LIMCH1: variants seen among roughly 807,000 people sequenced by gnomAD.
LIMCH1 encodes LIM and calponin homology domains-containing protein 1.
LIMCH1 carries 113 observed loss-of-function variants against 176.5 expected under a neutral mutation model. That is an observed-to-expected ratio of 0.64 (90% confidence interval 0.55 to 0.75). The LOEUF is 0.75. Among genes scored for constraint, LIMCH1 ranks in the 30% least tolerant of loss-of-function variants. The pLI is 0.00. For missense variants in LIMCH1, 1,674 were observed against 1,814.9 expected, an observed-to-expected ratio of 0.92 and a Z score of 1.41; for synonymous variants, 619 against 645.9, an observed-to-expected ratio of 0.96 and a Z score of 0.63.
intron 1 of LIMCH1, among the ~76,000 whole-genome samples, chr4:41,388,358 T>C (rs2056768198): frequency 6.6e-6 from 1 of 152,206 alleles, no homozygotes; most frequent in Non-Finnish European, 1.5e-5. Context: ...AAAAACATTA[T>C]GCTAAGTGAA....
chr4:41,375,135 G>A (rs2054542811), intron 1 of LIMCH1, among the ~76,000 whole-genome samples: 2 of 152,108 alleles, frequency 1.3e-5, no homozygotes, highest in Non-Finnish European at 2.9e-5. Flanking sequence ...TAAAAATGTG[G>A]TAATATACAA....
At chr4:41,439,715 C>CA (rs2062495399) in intron 1 of LIMCH1, among the ~76,000 whole-genome samples, 1 of 152,088 alleles carries the variant, frequency 6.6e-6, no homozygotes, top group Non-Finnish European at 1.5e-5. Context: ...ACAGCCTGGC[C>CA]AACATGGTGA....
At chr4:41,491,253 C>T (rs28722537) in intron 1 of LIMCH1, among the ~76,000 whole-genome samples, 27,833 of 134,328 alleles carry the variant, frequency 0.21, 3,257 homozygotes, top group African/African-American at 0.35. Context: ...CGGGCAGAGG[C>T]GCTCCTCACC....
chr4:41,475,267 A>C (rs1451719638), intron 1 of LIMCH1, among the ~76,000 whole-genome samples: 1 of 152,226 alleles, frequency 6.6e-6, no homozygotes, highest in Non-Finnish European at 1.5e-5. Flanking sequence ...ATATAGTTAC[A>C]TGCTTTGTTT....
At chr4:41,580,967 GA>G (rs1434386748) in intron 1 of LIMCH1, among the ~76,000 whole-genome samples, 1 of 152,166 alleles carries the variant, frequency 6.6e-6, no homozygotes, top group Non-Finnish European at 1.5e-5. Flanking sequence ...CCCAGAAGTA[GA>G]AACCTTGACT....
intron 1 of LIMCH1, among the ~76,000 whole-genome samples, chr4:41,559,003 G>A (rs890798331): frequency 1.1e-4 from 16 of 151,964 alleles, no homozygotes; most frequent in African/African-American, 3.1e-4. Context: ...TTTTTGTTTG[G>A]TTTTGTATTA....
intron 1 of LIMCH1, among the ~76,000 whole-genome samples, chr4:41,559,967 T>C (rs2081848867): frequency 6.6e-6 from 1 of 152,154 alleles, no homozygotes; most frequent in African/African-American, 2.4e-5. Flanking sequence ...TCTCTATTGA[T>C]AGTCCCGATC....
In LIMCH1 at chr4:41,646,810, G is replaced by A. The variant is rs1013386020; in HGVS notation, c.2737G>A (p.Val913Ile). ...SAGSGSPSKT[V>I]TPKAVPMLTP... ...AGGCAGTGGGTCTCCAAGCAAAACT[G>A]TCACTCCCAAAGCAGTGCCTATGCT... Residue 913 changes from valine (V) to isoleucine (I), a missense_variant, in exon 17 of 32, where the codon GTC (valine) becomes ATC (isoleucine). Coordinates refer to ENST00000503057, the MANE Select transcript of LIMCH1 (RefSeq NM_001330672.2). The A allele has an allele frequency of 3.5e-5, 56 of 1,614,138 alleles. No homozygotes were observed. Among genetic ancestry groups the A allele is most frequent in the Non-Finnish European group, 4.5e-5 (53 of 1,180,022 alleles).
intron 1 of LIMCH1, among the ~76,000 whole-genome samples, chr4:41,552,833 C>T (rs936128744): frequency 2.6e-5 from 4 of 152,006 alleles, no homozygotes; most frequent in Non-Finnish European, 5.9e-5. Context: ...AGAAGTAAGA[C>T]AGACTTTAAG....
intron 2 of LIMCH1, among the ~76,000 whole-genome samples, chr4:41,517,654 CCCT>C (rs1314393625): frequency 6.6e-6 from 1 of 152,082 alleles, no homozygotes; most frequent in Non-Finnish European, 1.5e-5. Context: ...TTTCACTTTT[CCCT>C]ATATTTTAGT....
chr4:41,398,557 T>C (rs945048936), intron 1 of LIMCH1, among the ~76,000 whole-genome samples: 1 of 152,084 alleles, frequency 6.6e-6, no homozygotes, highest in Non-Finnish European at 1.5e-5. Flanking sequence ...ATTAAAAAGG[T>C]TGGCCAAGAC....
intron 1 of LIMCH1, among the ~76,000 whole-genome samples, chr4:41,420,485 G>T (rs2060515969): frequency 6.6e-6 from 1 of 152,204 alleles, no homozygotes; most frequent in African/African-American, 2.4e-5. Flanking sequence ...CCTGCCTCTT[G>T]AGATTACCAG....
At chr4:41,638,847 T>C in intron 13 of LIMCH1, 85 bp from the exon 14 acceptor site, 1 of 1,118,132 alleles carries the variant, frequency 8.9e-7, no homozygotes, top group Non-Finnish European at 1.4e-6. Context: ...GCACATGTAT[T>C]TCACCGGCAG....
chr4:41,633,583 G>A lies in LIMCH1; in HGVS notation c.1865G>A (p.Gly622Glu). 1 of 1,536,142 alleles carries A rather than the reference G, an allele frequency of 6.5e-7. No homozygotes were observed. Among genetic ancestry groups the A allele is most frequent in the Non-Finnish European group, 8.7e-7 (1 of 1,146,922 alleles). The change falls in exon 13 of 32, where the codon GGG (glycine) becomes GAG (glutamate). Residue 622 changes from glycine (G) to glutamate (E), a missense_variant. Transcript: ENST00000503057. ...CPLASECEAS[G>E]TEEKLEKMTA... The stretch of plus-strand genomic sequence containing the variant: ...CTGGCCTCTGAGTGTGAGGCTTCAG[G>A]GACAGAAGAGAAGTTGGAGAAGATG...
At chr4:41,371,293 G>A (rs2053922117) in intron 1 of LIMCH1, among the ~76,000 whole-genome samples, 1 of 152,214 alleles carries the variant, frequency 6.6e-6, no homozygotes, top group South Asian at 2.1e-4. Flanking sequence ...TGGCTCCCAA[G>A]CACATTCTCT....
chr4:41,528,235 G>A (rs2076892482), intron 3 of LIMCH1, among the ~76,000 whole-genome samples: 1 of 152,022 alleles, frequency 6.6e-6, no homozygotes, highest in Non-Finnish European at 1.5e-5. Context: ...GGAAGGAAGG[G>A]AGAGAGGAAG....
At chr4:41,532,804 G>C (rs1369303855) in intron 3 of LIMCH1, among the ~76,000 whole-genome samples, 4 of 152,136 alleles carry the variant, frequency 2.6e-5, no homozygotes, top group African/African-American at 9.7e-5. Context: ...CTTTTATTTG[G>C]TGAGAGTTTT....
intron 2 of LIMCH1, 66 bp downstream of exon 2, chr4:41,599,092 A>G (rs1173575479): frequency 1.1e-6 from 1 of 938,602 alleles, no homozygotes; most frequent in African/African-American, 1.6e-5. Context: ...TTTTGTGATG[A>G]TGTTGTAAGT....
Position 41,629,744 on chromosome 4 carries a change from G to A in LIMCH1, c.1271+10G>A. On this transcript the variant is annotated intron_variant, in intron 9 of 31. Coordinates refer to ENST00000503057, the MANE Select transcript of LIMCH1 (RefSeq NM_001330672.2). Reference sequence around the variant, plus strand: ...TGTCAGAAAAGGCGAGGTGTGTCATGTTTCCCCCCCAGTTTCCCCCTGGCA... The same window carrying A: ...TGTCAGAAAAGGCGAGGTGTGTCATATTTCCCCCCCAGTTTCCCCCTGGCA... 2 of 1,529,094 alleles carry A rather than the reference G, an allele frequency of 1.3e-6. No individual in the cohort carries two copies. Among genetic ancestry groups the A allele is most frequent in the Non-Finnish European group, 1.8e-6 (2 of 1,141,888 alleles). 94.7% of individuals were successfully genotyped at this position (1,529,094 alleles called of 1,614,324 possible).
Sources: allele counts gnomAD v4.1 joint callset (sites outside exome capture counted in the v4.1 genomes callset), GRCh38; gene constraint gnomAD v4.1.1; transcripts MANE v1.5; gene names NCBI Gene and HGNC (gene_info 2026-07-23, HGNC 2026-07-21).